Variants in ADAMTS19 observed in about 807,000 individuals in gnomAD.
ADAMTS19 encodes ADAM metallopeptidase with thrombospondin type 1 motif 19.
ADAMTS19 carries 93 observed loss-of-function variants against 153.3 expected under a neutral mutation model. That is an observed-to-expected ratio of 0.61 (90% CI 0.51 to 0.72). The LOEUF is 0.72. Among genes scored for constraint, ADAMTS19 ranks in the 30% least tolerant of loss-of-function variants. The pLI, the probability that ADAMTS19 is intolerant of heterozygous loss-of-function variation, is 0.00. For missense variants in ADAMTS19, 1,482 were observed against 1,552.1 expected (o/e 0.95, Z 0.76); for synonymous variants, 600 against 556.6 (o/e 1.08, Z -1.10).
At chr5:129,506,918 T>G (rs1216735001) in intron 2 of ADAMTS19, among the ~76,000 whole-genome samples, 2 of 151,872 alleles carry the variant, frequency 1.3e-5, no homozygotes, top group South Asian at 2.1e-4. Context: ...TTTTAAAAAG[T>G]TATCCTCCAA....
intron 18 of ADAMTS19, among the ~76,000 whole-genome samples, chr5:129,690,900 T>C (rs1255121790): frequency 6.6e-6 from 1 of 152,142 alleles, no homozygotes; most frequent in African/African-American, 2.4e-5. Flanking sequence ...CAGAGTTCTA[T>C]AATTTAATTT....
At chr5:129,611,462 T>A (rs865952758) in intron 8 of ADAMTS19, among the ~76,000 whole-genome samples, 1 of 152,194 alleles carries the variant, frequency 6.6e-6, no homozygotes, top group Admixed American at 6.6e-5. Context: ...AATTAATTAT[T>A]GTATAAGGTG....
chr5:129,724,570 C>A (rs1008285969), intron 21 of ADAMTS19, among the ~76,000 whole-genome samples: 1 of 152,016 alleles, frequency 6.6e-6, no homozygotes, highest in African/African-American at 2.4e-5. Flanking sequence ...GGTAAATACC[C>A]GAGGTTTGTT....
intron 2 of ADAMTS19, among the ~76,000 whole-genome samples, chr5:129,505,417 T>C (rs1384779218): frequency 6.6e-6 from 1 of 152,144 alleles, no homozygotes; most frequent in Admixed American, 6.6e-5. Flanking sequence ...GTAGGATCTG[T>C]TTATCTATTT....
chr5:129,691,449 T>C (rs1003380311), intron 18 of ADAMTS19, among the ~76,000 whole-genome samples: 1 of 152,182 alleles, frequency 6.6e-6, no homozygotes, highest in African/African-American at 2.4e-5. Context: ...CAGTATTGGA[T>C]GCATTGTAGA....
chr5:129,714,440 A>AAGAAAAAAAG (rs1554109519), intron 21 of ADAMTS19, among the ~76,000 whole-genome samples: 2,214 of 149,168 alleles, frequency 0.015, 60 homozygotes, highest in African/African-American at 0.05. Context: ...AAAAAAAAAA[A>AAGAAAAAAAG]AAAGAAAAAT....
chr5:129,526,579 CA>C (rs1752016575), intron 4 of ADAMTS19, 123 bp downstream of exon 4: 13 of 946,226 alleles, frequency 1.4e-5, no homozygotes, highest in Non-Finnish European at 1.9e-5. Flanking sequence ...TTATTGTCAT[CA>C]GTAAAAAAAT....
chr5:129,732,025 C>T (rs1477728006), intron 21 of ADAMTS19, among the ~76,000 whole-genome samples: 1 of 152,062 alleles, frequency 6.6e-6, no homozygotes, highest in Non-Finnish European at 1.5e-5. Context: ...AAATTAGCAT[C>T]AGACTATTTG....
At chr5:129,699,009 G>A (rs1462315155) in intron 19 of ADAMTS19, among the ~76,000 whole-genome samples, 2 of 152,164 alleles carry the variant, frequency 1.3e-5, no homozygotes, top group South Asian at 4.1e-4. Context: ...GATTTACTAG[G>A]CTGTAAGAGG....
chr5:129,680,817 G>GA (rs1170630786), intron 17 of ADAMTS19, among the ~76,000 whole-genome samples: 3 of 151,048 alleles, frequency 2.0e-5, no homozygotes, highest in Admixed American at 6.6e-5. Context: ...AATTTGAAGA[G>GA]AAAAAATCAG....
intron 22 of ADAMTS19, among the ~76,000 whole-genome samples, chr5:129,736,298 C>T (rs1311845805): frequency 6.6e-6 from 1 of 151,812 alleles, no homozygotes; most frequent in African/African-American, 2.4e-5. Context: ...AGGTATACCC[C>T]AAAATACAGA....
intron 21 of ADAMTS19, among the ~76,000 whole-genome samples, chr5:129,734,460 G>A (rs1190724671): frequency 6.6e-6 from 1 of 151,796 alleles, no homozygotes; most frequent in Non-Finnish European, 1.5e-5. Context: ...ACATTTTAAG[G>A]CCAGAGAAAA....
At chr5:129,536,001 G>T (rs2126786589) in intron 6 of ADAMTS19, among the ~76,000 whole-genome samples, 1 of 152,216 alleles carries the variant, frequency 6.6e-6, no homozygotes, top group Non-Finnish European at 1.5e-5. Context: ...CACAGGCATG[G>T]GCAAGGACTT....
intron 2 of ADAMTS19, among the ~76,000 whole-genome samples, chr5:129,508,393 C>T (rs146483250): frequency 2.1e-3 from 314 of 151,994 alleles, no homozygotes; most frequent in African/African-American, 6.7e-3. Flanking sequence ...CTAGGCTTAG[C>T]CTCAAAATAT....
At chr5:129,466,553 T>A (rs1446032514) in intron 2 of ADAMTS19, among the ~76,000 whole-genome samples, 2 of 152,086 alleles carry the variant, frequency 1.3e-5, no homozygotes, top group Non-Finnish European at 2.9e-5. Context: ...ATAGATGAGT[T>A]GATAGGTAAA....
chr5:129,548,671 A>G (rs975157742), intron 6 of ADAMTS19, among the ~76,000 whole-genome samples: 19 of 151,984 alleles, frequency 1.3e-4, no homozygotes, highest in Non-Finnish European at 4.4e-5. Flanking sequence ...CCATCCCATT[A>G]CTGGGTATAT....
intron 16 of ADAMTS19, among the ~76,000 whole-genome samples, chr5:129,668,133 G>A (rs895422632): frequency 4.6e-5 from 7 of 152,130 alleles, no homozygotes; most frequent in South Asian, 2.1e-4. Flanking sequence ...GCATTCCTTC[G>A]CTTGTGACCT....
intron 6 of ADAMTS19, among the ~76,000 whole-genome samples, chr5:129,547,868 C>G (rs1581069378): frequency 1.3e-5 from 2 of 150,720 alleles, no homozygotes; most frequent in East Asian, 1.9e-4. Context: ...AGAAATAATG[C>G]CACATATCTA....
At chr5:129,681,002 G>T (rs1013119219) in intron 17 of ADAMTS19, among the ~76,000 whole-genome samples, 2 of 152,122 alleles carry the variant, frequency 1.3e-5, no homozygotes, top group African/African-American at 4.8e-5. Context: ...ACCTCCTTAA[G>T]TCCACATATA....
Sources: gnomAD v4.1 joint callset for allele counts (sites outside exome capture counted in the v4.1 genomes callset) on GRCh38, gnomAD v4.1.1 for gene constraint, MANE v1.5 for transcripts, NCBI Gene and HGNC (gene_info 2026-07-23, HGNC 2026-07-21) for gene names.